ARID1B: variants seen among roughly 807,000 people sequenced by gnomAD.
ARID1B encodes the protein AT-rich interactive domain-containing protein 1B.
ARID1B carries 30 observed loss-of-function variants against 212.3 expected under a neutral mutation model. That is an observed-to-expected ratio of 0.14 (90% CI 0.11 to 0.19). The LOEUF is 0.19. ARID1B is among the 10% of genes least tolerant of loss of function. The pLI, the probability that ARID1B is intolerant of heterozygous loss-of-function variation, is 1.00. For synonymous variants in ARID1B, 1,402 were observed against 1,301.7 expected, an observed-to-expected ratio of 1.08 and a Z score of -1.66; for missense variants, 2,891 against 3,204.0, an observed-to-expected ratio of 0.90 and a Z score of 2.36.
intron 2 of ARID1B, among the ~76,000 whole-genome samples, chr6:156,893,232 G>T (rs1418920211): frequency 3.3e-5 from 5 of 151,864 alleles, no homozygotes; most frequent in African/African-American, 1.2e-4. Flanking sequence ...CACCACATTG[G>T]CCAGGCTGGT....
At chr6:157,075,267 G>T (rs1215741114) in intron 4 of ARID1B, among the ~76,000 whole-genome samples, 1 of 152,082 alleles carries the variant, frequency 6.6e-6, no homozygotes, top group East Asian at 1.9e-4. Context: ...TGCATTTGTT[G>T]AATTTGATTT....
chr6:156,965,329 C>G (rs1794667951), intron 4 of ARID1B, among the ~76,000 whole-genome samples: 1 of 152,144 alleles, frequency 6.6e-6, no homozygotes, highest in South Asian at 2.1e-4. Flanking sequence ...GGTTTTCCAC[C>G]CTTCATGAAG....
In ARID1B at chr6:156,879,195, A is replaced by T. The variant is rs570161266; in HGVS notation, c.1987-22181A>T. Among the ~76,000 whole-genome samples, 12 of 152,326 alleles carry T rather than the reference A, an allele frequency of 7.9e-5. No homozygotes were observed. In the South Asian group the frequency reaches 2.5e-3, roughly 32 times the overall value. ...AAAGGACTGAGATGTGTACTAGGGT[A>T]TCTGGTTCTGCGAGGGCTAATTTGG... On this transcript the variant is annotated intron_variant, in intron 2 of 19. Transcript: ENST00000636930.
At chr6:156,813,103 TA>T (rs1781716151) in intron 1 of ARID1B, among the ~76,000 whole-genome samples, 1 of 125,376 alleles carries the variant, frequency 8.0e-6, no homozygotes, top group African/African-American at 3.1e-5. Context: ...CATACATATA[TA>T]TATATTTTTT....
chr6:157,151,774 A>G (rs1408377684), intron 8 of ARID1B: 1 of 152,236 alleles, frequency 6.6e-6, no homozygotes, highest in Non-Finnish European at 1.5e-5. Flanking sequence ...GTTAAAATCA[A>G]ACAGGGAACT....
chr6:156,909,598 C>T (rs535063652), intron 3 of ARID1B, among the ~76,000 whole-genome samples: 1 of 152,250 alleles, frequency 6.6e-6, no homozygotes, highest in Non-Finnish European at 1.5e-5. Context: ...TGATTTGGTT[C>T]TGAAGCCTTT....
intron 6 of ARID1B, among the ~76,000 whole-genome samples, chr6:157,112,743 TTTAAC>T (rs1483281709): frequency 5.3e-5 from 8 of 152,104 alleles, no homozygotes; most frequent in Non-Finnish European, 1.0e-4. Flanking sequence ...AAATCAAACT[TTTAAC>T]TTAAATTGAT....
At chr6:156,894,298 A>ATGGGGGCCGGGGGGTGGGGT (rs1788208456) in intron 2 of ARID1B, among the ~76,000 whole-genome samples, 3 of 18,606 alleles carry the variant, frequency 1.6e-4, no homozygotes, top group South Asian at 1.9e-3. Flanking sequence ...GGGGGTTGGG[A>ATGGGGGCCGGGGGGTGGGGT]TGGGGGCCGG....
At chr6:157,067,179 A>G (rs914084548) in intron 4 of ARID1B, among the ~76,000 whole-genome samples, 7 of 152,216 alleles carry the variant, frequency 4.6e-5, no homozygotes, top group African/African-American at 1.7e-4. Flanking sequence ...TAGTTTGTCA[A>G]TGAAGAAATT....
chr6:156,905,250 G>GCACACACACACACACACACACACACACA lies in ARID1B; in HGVS notation c.2136+3730_2136+3757dup, dbSNP rs138326649. Among the ~76,000 whole-genome samples, 14 of 143,838 alleles carry GCACACACACACACACACACACACACACA rather than the reference G, an allele frequency of 9.7e-5. 1 individual carries two copies. In the East Asian group the frequency reaches 1.0e-3, roughly 11 times the overall value. The allele number at this position is 143,838 out of a possible 152,430, so 94.4% of individuals were successfully genotyped here. On this transcript the variant is annotated intron_variant, in intron 3 of 19. Transcript: ENST00000636930. Reference sequence around the variant, plus strand: ...GAATCAATTGTGCTCACATATGCACGCACACACACACACACACACACACAC... The same window carrying GCACACACACACACACACACACACACACA: ...GAATCAATTGTGCTCACATATGCACGCACACACACACACACACACACACACACACACACACACACACACACACACACAC...
intron 2 of ARID1B, among the ~76,000 whole-genome samples, chr6:156,849,628 A>G (rs1457142729): frequency 6.6e-6 from 1 of 152,218 alleles, no homozygotes; most frequent in Admixed American, 6.5e-5. Context: ...AGAGCAGACA[A>G]TCACATTCAT....
At chr6:157,006,953 A>C (rs12191391) in intron 4 of ARID1B, among the ~76,000 whole-genome samples, 40,317 of 150,298 alleles carry the variant, frequency 0.27, 5,787 homozygotes, top group Non-Finnish European at 0.32. Flanking sequence ...ACATGTGTGT[A>C]CACACACACA....
intron 1 of ARID1B, among the ~76,000 whole-genome samples, chr6:156,828,241 T>C (rs533046425): frequency 2.0e-5 from 3 of 152,154 alleles, no homozygotes; most frequent in Admixed American, 6.5e-5. Context: ...TTTTAATTTG[T>C]TGTAGAGACA....
In ARID1B at chr6:156,979,019, A is replaced by T. The variant is rs141193930; in HGVS notation, c.2247+43443A>T. Among the ~76,000 whole-genome samples, 30 of 152,330 alleles carry T rather than the reference A, an allele frequency of 2.0e-4. No homozygotes were observed. The East Asian group carries it at 5.4e-3, about 27-fold the overall frequency. On this transcript the variant is annotated intron_variant, in intron 4 of 19. Transcript: ENST00000636930. ...TATTGAATTGCTTAATGAATAAAAG[A>T]TTTAAATGTGTCGTCAGTGCTTATG...
chr6:156,872,292 A>G (rs1210962552), intron 2 of ARID1B, among the ~76,000 whole-genome samples: 2 of 152,150 alleles, frequency 1.3e-5, no homozygotes, highest in Non-Finnish European at 2.9e-5. Context: ...TGTTTTTGGA[A>G]TCATACCTGG....
chr6:157,005,440 C>T (rs1210731903), intron 4 of ARID1B, among the ~76,000 whole-genome samples: 1 of 152,166 alleles, frequency 6.6e-6, no homozygotes, highest in Non-Finnish European at 1.5e-5. Context: ...AGGCGTGAGT[C>T]ACCGTGCCAG....
At chr6:157,000,141 G>T (rs1583113595) in intron 4 of ARID1B, among the ~76,000 whole-genome samples, 1 of 152,212 alleles carries the variant, frequency 6.6e-6, no homozygotes, top group South Asian at 2.1e-4. Flanking sequence ...GATGGCTGAG[G>T]AGAAGGCCCT....
At chr6:157,130,449 CA>C (rs1467146093) in intron 6 of ARID1B, among the ~76,000 whole-genome samples, 1 of 152,158 alleles carries the variant, frequency 6.6e-6, no homozygotes, top group Non-Finnish European at 1.5e-5. Context: ...TCTTAAGATG[CA>C]ATCATTCATA....
intron 1 of ARID1B, among the ~76,000 whole-genome samples, chr6:156,807,301 A>G (rs1781240877): frequency 6.6e-6 from 1 of 152,166 alleles, no homozygotes; most frequent in Admixed American, 6.5e-5. Flanking sequence ...GCCTTAAGCA[A>G]GAAGCTTGCA....
Sources: gnomAD v4.1 joint callset for allele counts (sites outside exome capture counted in the v4.1 genomes callset) on GRCh38, gnomAD v4.1.1 for gene constraint, MANE v1.5 for transcripts, NCBI Gene and HGNC (gene_info 2026-07-23, HGNC 2026-07-21) for gene names.